ITSN1: variants seen among roughly 807,000 people sequenced by gnomAD.
The protein encoded by ITSN1 is intersectin-1.
In ITSN1, 58 loss-of-function variants were observed where a neutral mutation model predicts 239.8. The observed-to-expected ratio is 0.24, with a 90% CI of 0.20 to 0.30. The LOEUF (loss-of-function observed/expected upper bound fraction) is 0.30. Among genes scored for constraint, ITSN1 ranks in the 10% least tolerant of loss-of-function variants. ITSN1 has a pLI of 1.00. For synonymous variants in ITSN1, 780 were observed against 770.8 expected (o/e 1.01, Z -0.20); for missense variants, 1,558 against 2,103.3 (o/e 0.74, Z 5.07).
In ITSN1 at chr21:33,814,111, T is replaced by C. The variant is rs541863867; in HGVS notation, c.2727+39T>C. On this transcript the variant is annotated intron_variant, in intron 22 of 39. Transcript: ENST00000381318. Reference sequence around the variant, plus strand: ...GTGAGAGTGTGAAGACTTAGCATGCTATCTAGTGCCAAAAACTTCAGCAAA... The same window carrying C: ...GTGAGAGTGTGAAGACTTAGCATGCCATCTAGTGCCAAAAACTTCAGCAAA... 13 of 1,585,820 alleles carry C rather than the reference T, an allele frequency of 8.2e-6. No homozygotes were observed. The South Asian group carries it at 1.0e-4, about 12-fold the overall frequency.
chr21:33,852,088 G>A (rs1978432581), intron 29 of ITSN1, among the ~76,000 whole-genome samples: 1 of 152,086 alleles, frequency 6.6e-6, no homozygotes, highest in Admixed American at 6.6e-5. Flanking sequence ...AAGCCCAGCT[G>A]CTTGCTATTA....
intron 22 of ITSN1, 77 bp downstream of exon 22, chr21:33,814,149 A>G (rs1351151802): frequency 1.4e-6 from 2 of 1,387,670 alleles, no homozygotes; most frequent in Non-Finnish European, 1.9e-6. Context: ...CTTTTTGGCA[A>G]TGTCATTTTG....
chr21:33,809,748 A>C (rs1316002381), intron 20 of ITSN1, among the ~76,000 whole-genome samples: 1 of 152,228 alleles, frequency 6.6e-6, no homozygotes, highest in African/African-American at 2.4e-5. Flanking sequence ...AAAATAAGAT[A>C]TAAGGTTTCA....
chr21:33,782,326 A>C (rs1031663092), intron 16 of ITSN1, among the ~76,000 whole-genome samples, 193 bp downstream of exon 16: 1 of 150,618 alleles, frequency 6.6e-6, no homozygotes, highest in Admixed American at 6.6e-5. Flanking sequence ...GAGTGGCCCC[A>C]GCATGACATC....
At chr21:33,737,377 T>C (rs1346242627) in intron 5 of ITSN1, among the ~76,000 whole-genome samples, 1 of 152,178 alleles carries the variant, frequency 6.6e-6, no homozygotes, top group Non-Finnish European at 1.5e-5. Context: ...TCTCAGTAAA[T>C]GATTTTGATG....
At chr21:33,658,968 A>T (rs1009217714) in intron 1 of ITSN1, among the ~76,000 whole-genome samples, 1 of 151,832 alleles carries the variant, frequency 6.6e-6, no homozygotes, top group Admixed American at 6.6e-5. Context: ...GCTCCTGGGG[A>T]TGAGGGGCTG....
chr21:33,712,852 A>C (rs1242211849), intron 1 of ITSN1, among the ~76,000 whole-genome samples: 3 of 152,224 alleles, frequency 2.0e-5, no homozygotes, highest in African/African-American at 7.2e-5. Flanking sequence ...CTATAGCAGA[A>C]GCAGAACTCT....
At chr21:33,881,945 CAAAAAAAAAAA>C (rs370697945) in intron 34 of ITSN1, among the ~76,000 whole-genome samples, 9 of 88,410 alleles carry the variant, frequency 1.0e-4, no homozygotes, top group Non-Finnish European at 4.5e-5. Context: ...GACCCTGTCT[CAAAAAAAAAAA>C]AAAAAAAGAA....
chr21:33,828,499 T>A (rs1467663907), intron 26 of ITSN1, among the ~76,000 whole-genome samples: 1 of 152,344 alleles, frequency 6.6e-6, no homozygotes, highest in Non-Finnish European at 1.5e-5. Context: ...CAGAACAGAA[T>A]GAGAGCGGCT....
chr21:33,752,607 C>A (rs532923911), intron 7 of ITSN1, among the ~76,000 whole-genome samples: 3 of 151,982 alleles, frequency 2.0e-5, no homozygotes, highest in Admixed American at 6.6e-5. Flanking sequence ...ACTTTTGGGC[C>A]GGGTGTGGTG....
chr21:33,675,045 A>C (rs1472496782), intron 1 of ITSN1, among the ~76,000 whole-genome samples: 2 of 152,228 alleles, frequency 1.3e-5, no homozygotes, highest in African/African-American at 4.8e-5. Flanking sequence ...GTATCTCTTC[A>C]TGTGAATATA....
rs770331415 is a variant in ITSN1, at chr21:33,766,027, C to T, written c.926+15C>T. 145 of 1,613,904 alleles carry T rather than the reference C, an allele frequency of 9.0e-5. 4 individuals are homozygous for T. The South Asian group carries it at 1.6e-3, about 17-fold the overall frequency. On this transcript the variant is annotated intron_variant, in intron 10 of 39. Coordinates refer to ENST00000381318, the MANE Select transcript of ITSN1 (RefSeq NM_003024.3). ...CCTTCTTTTAGGTAAGGAACATGGG[C>T]TCTGATCAGGAATTGTATGCGGAGT...
chr21:33,861,174 C>T (rs1980449633), intron 31 of ITSN1, among the ~76,000 whole-genome samples: 1 of 152,122 alleles, frequency 6.6e-6, no homozygotes, highest in Non-Finnish European at 1.5e-5. Flanking sequence ...AGTGAACACC[C>T]ACATCATAAA....
chr21:33,784,151 AC>A (rs2070430819), intron 16 of ITSN1, among the ~76,000 whole-genome samples: 1 of 152,020 alleles, frequency 6.6e-6, no homozygotes, highest in Admixed American at 6.6e-5. Flanking sequence ...TCTCTTATTA[AC>A]TTTAATTAAT....
chr21:33,708,317 A>G (rs1217119389), intron 1 of ITSN1, among the ~76,000 whole-genome samples: 2 of 151,950 alleles, frequency 1.3e-5, no homozygotes, highest in East Asian at 3.8e-4. Context: ...TTTTGTTTTC[A>G]TAAGGGTTAT....
At chr21:33,752,908 C>T (rs891551857) in intron 7 of ITSN1, among the ~76,000 whole-genome samples, 2 of 151,946 alleles carry the variant, frequency 1.3e-5, no homozygotes, top group African/African-American at 4.8e-5. Context: ...AGTCATTTTC[C>T]CACTTTCAAG....
At chr21:33,706,479 CAA>C (rs370383959) in intron 1 of ITSN1, among the ~76,000 whole-genome samples, 10 of 133,666 alleles carry the variant, frequency 7.5e-5, no homozygotes, top group African/African-American at 1.1e-4. Flanking sequence ...CATTTATTAC[CAA>C]AAAAAAAAAA....
chr21:33,817,100 TC>T, intron 22 of ITSN1: 1 of 1,112,640 alleles, frequency 9.0e-7, no homozygotes, highest in Non-Finnish European at 1.2e-6. Context: ...CTAGGCATTA[TC>T]TTTTGTTCTT....
chr21:33,759,585 AAAGT>A (rs2068150319), intron 8 of ITSN1, among the ~76,000 whole-genome samples: 1 of 152,214 alleles, frequency 6.6e-6, no homozygotes, highest in African/African-American at 2.4e-5. Context: ...CAGACTAAAG[AAAGT>A]GATGCCTGAA....
Sources: gnomAD v4.1 joint callset for allele counts (sites outside exome capture counted in the v4.1 genomes callset) on GRCh38, gnomAD v4.1.1 for gene constraint, MANE v1.5 for transcripts, NCBI Gene and HGNC (gene_info 2026-07-23, HGNC 2026-07-21) for gene names.